The following RANBP17 variants were observed in gnomAD, a reference collection of about 807,000 sequenced individuals.
RANBP17 encodes ran-binding protein 17.
RANBP17 carries 158 observed loss-of-function variants against 141.2 expected under a neutral mutation model. That is an observed-to-expected ratio of 1.12 (90% CI 0.98 to 1.28). RANBP17 has a LOEUF of 1.28. RANBP17 is among the 50% of genes most tolerant of loss of function. RANBP17 has a pLI of 0.00. For missense variants in RANBP17, 1,438 were observed against 1,290.7 expected (o/e 1.11, Z -1.75); for synonymous variants, 430 against 450.0 (o/e 0.96, Z 0.56).
intron 14 of RANBP17, among the ~76,000 whole-genome samples, chr5:171,069,905 T>C (rs538892909): frequency 6.6e-6 from 1 of 152,200 alleles, no homozygotes; most frequent in Admixed American, 6.5e-5. Flanking sequence ...TGTAGTGCTG[T>C]TGAAATCTAA....
intron 5 of RANBP17, among the ~76,000 whole-genome samples, chr5:170,909,049 A>G (rs1405659245): frequency 6.6e-6 from 1 of 151,926 alleles, no homozygotes; most frequent in Admixed American, 6.6e-5. Flanking sequence ...TGAATATACT[A>G]CATTTTAGGT....
intron 12 of RANBP17, among the ~76,000 whole-genome samples, chr5:170,942,988 T>G (rs574478008): frequency 6.6e-6 from 1 of 152,214 alleles, no homozygotes; most frequent in African/African-American, 2.4e-5. Flanking sequence ...GGATACACTA[T>G]GCAGTTTTAG....
At chr5:171,038,188 G>GTA (rs1367105919) in intron 14 of RANBP17, among the ~76,000 whole-genome samples, 3 of 151,522 alleles carry the variant, frequency 2.0e-5, no homozygotes, top group Non-Finnish European at 2.9e-5. Context: ...GTGTGTGTGT[G>GTA]TGTGTGTGCA....
chr5:171,197,446 T>C (rs1762039526), intron 18 of RANBP17, among the ~76,000 whole-genome samples: 1 of 152,136 alleles, frequency 6.6e-6, no homozygotes, highest in South Asian at 2.1e-4. Flanking sequence ...CAAAGGTAAA[T>C]AATATACGGT....
Position 170,909,578 on chromosome 5 carries a change from C to CTTTTT in RANBP17, c.490-67_490-63dup, listed in dbSNP as rs386405668. Reference sequence around the variant, plus strand: ...CTTGGGTTCTACTCAAGTTTATTTCCTTTTTTTTTTTTTTTTTTTTAGTAA... The same window carrying CTTTTT: ...CTTGGGTTCTACTCAAGTTTATTTCCTTTTTTTTTTTTTTTTTTTTTTTTTAGTAA... On this transcript the variant is annotated intron_variant, in intron 5 of 27. Coordinates refer to ENST00000523189, the MANE Select transcript of RANBP17 (RefSeq NM_022897.5). The CTTTTT allele has an allele frequency of 3.2e-3, 764 of 240,476 alleles. 7 individuals are homozygous for CTTTTT. The highest frequency in any genetic ancestry group is 0.023 in the African/African-American group (684 of 29,930). The allele number at this position is 240,476 out of a possible 1,614,324, so 14.9% of individuals were successfully genotyped here.
intron 14 of RANBP17, among the ~76,000 whole-genome samples, chr5:170,971,205 C>A (rs550433737): frequency 6.6e-6 from 1 of 152,192 alleles, no homozygotes; most frequent in Admixed American, 6.5e-5. Flanking sequence ...CTTCAGGAAC[C>A]AAGGTGGAAT....
At chr5:171,089,596 C>G (rs1306002479) in intron 14 of RANBP17, among the ~76,000 whole-genome samples, 1 of 152,102 alleles carries the variant, frequency 6.6e-6, no homozygotes, top group South Asian at 2.1e-4. Context: ...GACTGCTGTG[C>G]TAGCAATCAG....
At chr5:170,930,669 T>G (rs1462871908) in intron 12 of RANBP17, among the ~76,000 whole-genome samples, 1 of 152,198 alleles carries the variant, frequency 6.6e-6, no homozygotes, top group Non-Finnish European at 1.5e-5. Context: ...TGTTTGGTTT[T>G]CTGTCCTTGG....
intron 24 of RANBP17, among the ~76,000 whole-genome samples, chr5:171,263,175 AAT>A (rs1766442591): frequency 6.6e-6 from 1 of 152,194 alleles, no homozygotes; most frequent in South Asian, 2.1e-4. Context: ...CTCAGAGATG[AAT>A]AAGATGAATG....
At chr5:171,093,743 G>A (rs1001453621) in intron 14 of RANBP17, among the ~76,000 whole-genome samples, 1 of 152,174 alleles carries the variant, frequency 6.6e-6, no homozygotes, top group East Asian at 1.9e-4. Flanking sequence ...ACTTATAGCA[G>A]TAATCCTTTA....
At chr5:171,179,982 C>A (rs975065372) in intron 16 of RANBP17, among the ~76,000 whole-genome samples, 3 of 152,098 alleles carry the variant, frequency 2.0e-5, no homozygotes, top group African/African-American at 7.2e-5. Context: ...CTATGAGATT[C>A]TTTTCTTGTT....
At chr5:170,922,650 C>T (rs1454791616) in intron 11 of RANBP17, among the ~76,000 whole-genome samples, 1 of 152,200 alleles carries the variant, frequency 6.6e-6, no homozygotes, top group African/African-American at 2.4e-5. Flanking sequence ...ATCTCCTGGT[C>T]TGCAGGTTGC....
chr5:171,277,824 T>A (rs1767616047), intron 25 of RANBP17, among the ~76,000 whole-genome samples: 1 of 148,860 alleles, frequency 6.7e-6, no homozygotes. Flanking sequence ...TACTATTAAC[T>A]AACTGGCCTA....
rs186695203 is a variant in RANBP17, at chr5:171,183,905, A to G, written c.2038+475A>G. ...AAAATGAAGATTTAAAGACAAGGCA[A>G]TACATGAAATTTTATATTATAACAT... On this transcript the variant is annotated intron_variant, in intron 18 of 27. Transcript: ENST00000523189. Among the ~76,000 whole-genome samples, 62 of 152,354 alleles carry G rather than the reference A, an allele frequency of 4.1e-4. 1 individual carries two copies. The East Asian group carries it at 9.3e-3, about 23-fold the overall frequency.
intron 20 of RANBP17, among the ~76,000 whole-genome samples, chr5:171,210,834 G>A (rs1299886073): frequency 5.3e-5 from 8 of 151,384 alleles, no homozygotes; most frequent in South Asian, 2.1e-4. Flanking sequence ...GTGAAACCCC[G>A]TCTCTACTAA....
intron 25 of RANBP17, among the ~76,000 whole-genome samples, chr5:171,282,759 C>T (rs868723099): frequency 3.9e-5 from 6 of 152,106 alleles, no homozygotes; most frequent in South Asian, 2.1e-4. Flanking sequence ...GGATTACAGG[C>T]GTGAGCCACC....
At chr5:170,887,063 ATGT>A (rs1460248374) in intron 3 of RANBP17, among the ~76,000 whole-genome samples, 6 of 152,268 alleles carry the variant, frequency 3.9e-5, no homozygotes, top group Non-Finnish European at 8.8e-5. Context: ...GTTCAAACTC[ATGT>A]TGTTCAAGGG....
chr5:171,183,281 T>TATATA (rs2127919828), intron 17 of RANBP17, 41 bp from the exon 18 acceptor site: 1 of 1,583,074 alleles, frequency 6.3e-7, no homozygotes, highest in African/African-American at 1.3e-5. Flanking sequence ...ATAGTTGAGG[T>TATATA]AAAGTGTTAG....
chr5:170,960,300 C>T (rs1581244881), intron 13 of RANBP17, among the ~76,000 whole-genome samples: 1 of 152,178 alleles, frequency 6.6e-6, no homozygotes, highest in African/African-American at 2.4e-5. Context: ...CTCAGCATTG[C>T]TCAGTGATTC....
Sources: allele counts gnomAD v4.1 joint callset (sites outside exome capture counted in the v4.1 genomes callset), GRCh38; gene constraint gnomAD v4.1.1; transcripts MANE v1.5; gene names NCBI Gene and HGNC (gene_info 2026-07-23, HGNC 2026-07-21).